Variants in CCNH observed in about 807,000 individuals in gnomAD.
The protein encoded by CCNH is cyclin H.
CCNH carries 31 observed loss-of-function variants against 41.9 expected under a neutral mutation model. The ratio of observed to expected loss-of-function variants is 0.74; its 90% CI spans 0.56 to 1.00. CCNH has a LOEUF of 1.00. Among genes scored for constraint, CCNH ranks in the 50% least tolerant of loss-of-function variants. The probability of loss-of-function intolerance (pLI) is 0.00; values close to 1 mark genes in which losing one functional copy is unlikely to be tolerated. For synonymous variants in CCNH, 138 were observed against 136.1 expected (o/e 1.01, Z -0.10); for missense variants, 362 against 388.4 (o/e 0.93, Z 0.57).
At chr5:87,389,175 C>T (rs1762282846), downstream of CCNH, 5 of 448,036 alleles carry the variant, frequency 1.1e-5, no homozygotes, top group South Asian at 6.5e-5. Flanking sequence ...GTATTTGTAA[C>T]AAAAAATTAG....
At chr5:87,376,666 G>C in exon 1 of CCNH, 1 of 1,403,304 alleles carries the variant, frequency 7.1e-7, no homozygotes, top group Non-Finnish European at 9.9e-7. Flanking sequence ...TCATAGCTTA[G>C]TAGCACAATG....
rs567599847 is a variant in CCNH at position 87,330,963 on chromosome 5, G to T, written c.*91-12066C>A. The T allele has an allele frequency of 4.7e-5, 68 of 1,435,036 alleles. No individual in the cohort carries two copies. In the African/African-American group the frequency reaches 8.4e-4, roughly 18 times the overall value. The allele number at this position is 1,435,036 out of a possible 1,614,324, so 88.9% of individuals were successfully genotyped here. A position where few individuals can be genotyped will look rare whatever the true frequency, so the allele number is the denominator to read the frequency against. On this transcript the variant is annotated intron_variant and NMD_transcript_variant, in intron 9 of 9. Transcript: ENST00000645953. ...GTTCCATGTGCCTTGTGAAGTCATG[G>T]TTCCTCAGTATAAGATCGAGGTAGT...
intron 9 of CCNH, among the ~76,000 whole-genome samples, chr5:87,335,431 T>G (rs894902379): frequency 4.2e-5 from 6 of 143,832 alleles, no homozygotes; most frequent in Admixed American, 6.9e-5. Context: ...TTTTTTTTTT[T>G]TTTTTTTTTT....
the CCNH span, among the ~76,000 whole-genome samples, chr5:87,313,057 C>T: frequency 1.8e-4 from 27 of 151,984 alleles, no homozygotes; most frequent in African/African-American, 4.1e-4. Flanking sequence ...GCTGAACAGG[C>T]GTCTTACAAA....
At chr5:87,392,604 A>C (rs1372192057), downstream of CCNH, 10 of 261,828 alleles carry the variant, frequency 3.8e-5, no homozygotes, top group Non-Finnish European at 6.9e-5. Flanking sequence ...TTTGCTGTGC[A>C]CTTTGGCTCC....
chr5:87,374,408 C>G (rs1761167289), downstream of CCNH: 1 of 1,143,886 alleles, frequency 8.7e-7, no homozygotes, highest in Non-Finnish European at 1.2e-6. Flanking sequence ...TCTAAACCAT[C>G]AGAACAAGGT....
chr5:87,389,476 G>C (rs778423443), downstream of CCNH: 3 of 1,614,154 alleles, frequency 1.9e-6, no homozygotes, highest in Non-Finnish European at 2.5e-6. Flanking sequence ...AGATTTGCGT[G>C]GCTCATTCAG....
At chr5:87,367,839 A>C (rs1018016850) in intron 9 of CCNH, among the ~76,000 whole-genome samples, 1 of 152,022 alleles carries the variant, frequency 6.6e-6, no homozygotes, top group Non-Finnish European at 1.5e-5. Context: ...TGTCATTCAA[A>C]TTGTTTCTGT....
At chr5:87,319,394 G>A (rs1352569277) in intron 9 of CCNH, among the ~76,000 whole-genome samples, 1 of 152,242 alleles carries the variant, frequency 6.6e-6, no homozygotes, top group Non-Finnish European at 1.5e-5. Flanking sequence ...CTGTAGCGGA[G>A]TCCTGCCTGG....
At chr5:87,380,128 T>C (rs1448513996), upstream of CCNH, among the ~76,000 whole-genome samples, 3 of 152,182 alleles carry the variant, frequency 2.0e-5, no homozygotes, top group Non-Finnish European at 2.9e-5. Context: ...AAAAGATATC[T>C]TGTCTATCCA....
intron 9 of CCNH, among the ~76,000 whole-genome samples, chr5:87,352,264 A>G (rs1186461369): frequency 6.6e-6 from 1 of 151,454 alleles, no homozygotes; most frequent in African/African-American, 2.4e-5. Context: ...TTTGGTTTAA[A>G]TTAACTTTGT....
intron 9 of CCNH, among the ~76,000 whole-genome samples, chr5:87,343,422 T>C (rs1758622188): frequency 6.6e-6 from 1 of 152,150 alleles, no homozygotes. Context: ...TCTACCTAGA[T>C]TGAATCACAT....
chr5:87,370,536 C>T (rs1432591959), intron 9 of CCNH, among the ~76,000 whole-genome samples: 1 of 152,144 alleles, frequency 6.6e-6, no homozygotes, highest in African/African-American at 2.4e-5. Flanking sequence ...CTGGCTTATG[C>T]CTGTAGTCCC....
chr5:87,408,764 T>C (rs1763994377), intron 3 of CCNH, among the ~76,000 whole-genome samples: 1 of 152,164 alleles, frequency 6.6e-6, no homozygotes, highest in African/African-American at 2.4e-5. Context: ...GGGCCTAATC[T>C]TGACTGGTGG....
At chr5:87,409,832 A>G (rs920498737) in intron 2 of CCNH, among the ~76,000 whole-genome samples, 2 of 152,204 alleles carry the variant, frequency 1.3e-5, no homozygotes, top group African/African-American at 2.4e-5. Context: ...CCATGTATCC[A>G]TTCCATGATT....
At chr5:87,396,193 T>C (rs924133586) in intron 7 of CCNH, among the ~76,000 whole-genome samples, 11 of 152,198 alleles carry the variant, frequency 7.2e-5, no homozygotes, top group Non-Finnish European at 1.3e-4. Context: ...TGGGAGGATG[T>C]GTATAGGTTA....
chr5:87,333,156 T>A (rs1456164635), intron 9 of CCNH: 1 of 1,461,224 alleles, frequency 6.8e-7, no homozygotes, highest in Non-Finnish European at 9.1e-7. Context: ...ATTTGAATGA[T>A]CCCATGGAGT....
At chr5:87,375,040 GT>G (rs1356330557), downstream of CCNH, 1 of 1,255,016 alleles carries the variant, frequency 8.0e-7, no homozygotes, top group Non-Finnish European at 1.1e-6. Context: ...ATTTGAGATA[GT>G]TTCTTTCTGT....
intron 5 of CCNH, 119 bp from the exon 6 acceptor site, chr5:87,401,891 G>C: frequency 1.8e-6 from 1 of 558,208 alleles, no homozygotes; most frequent in Middle Eastern, 4.3e-4. Flanking sequence ...TTAAATTTAT[G>C]AATGTATAAT....
Sources: gnomAD v4.1 joint callset for allele counts (sites outside exome capture counted in the v4.1 genomes callset) on GRCh38, gnomAD v4.1.1 for gene constraint, MANE v1.5 for transcripts, NCBI Gene and HGNC (gene_info 2026-07-23, HGNC 2026-07-21) for gene names.